FAM184A: variants seen among roughly 807,000 people sequenced by gnomAD.
FAM184A encodes the protein family with sequence similarity 184 member A.
A neutral mutation model predicts 143.8 loss-of-function variants in FAM184A; 99 were observed. That is an observed-to-expected ratio of 0.69 (90% CI 0.58 to 0.81). The LOEUF is 0.81. Among genes scored for constraint, FAM184A ranks in the 40% least tolerant of loss-of-function variants. The pLI, the probability that FAM184A is intolerant of heterozygous loss-of-function variation, is 0.00. For synonymous variants in FAM184A, 427 were observed against 446.4 expected, an observed-to-expected ratio of 0.96 and a Z score of 0.55; for missense variants, 1,217 against 1,310.5, an observed-to-expected ratio of 0.93 and a Z score of 1.10.
chr6:119,131,382 G>T (rs1789530114), intron 1 of FAM184A, among the ~76,000 whole-genome samples: 1 of 152,176 alleles, frequency 6.6e-6, no homozygotes, highest in Non-Finnish European at 1.5e-5. Flanking sequence ...CTCTCTTTAA[G>T]CTTTTACCTG....
chr6:118,962,162 AC>A, intron 16 of FAM184A, 199 bp from the exon 17 acceptor site: 1 of 583,234 alleles, frequency 1.7e-6, no homozygotes, highest in Non-Finnish European at 3.0e-6. Flanking sequence ...ATCCTCAAAG[AC>A]AGACATGCTA....
intron 1 of FAM184A, among the ~76,000 whole-genome samples, chr6:119,094,733 G>A (rs925993715): frequency 1.3e-5 from 2 of 151,214 alleles, no homozygotes; most frequent in Non-Finnish European, 2.9e-5. Context: ...GAATGAAGGA[G>A]TAAGCTTACT....
rs146846568 is a variant in FAM184A, at chr6:119,058,154, A to G, written c.159+19987T>C. On this transcript the variant is annotated intron_variant, in intron 1 of 17. Transcript: ENST00000338891. The stretch of plus-strand genomic sequence containing the variant: ...ACCTGCCACTCTCTCATCAAGAAGT[A>G]GAGTCCAATTCTCCTTCTCTCTTTT... Among the ~76,000 whole-genome samples the G allele has an allele frequency of 3.7e-3, 536 of 145,686 alleles. 2 individuals are homozygous for G. Among genetic ancestry groups the G allele is most frequent in the African/African-American group, 0.012 (494 of 39,952 alleles).
At chr6:119,041,910 A>G (rs1269098560) in intron 1 of FAM184A, among the ~76,000 whole-genome samples, 1 of 152,158 alleles carries the variant, frequency 6.6e-6, no homozygotes. Context: ...CACTCACCGC[A>G]TGGCCCAAGA....
At chr6:119,143,420 G>A (rs1772312193) in intron 1 of FAM184A, among the ~76,000 whole-genome samples, 2 of 152,178 alleles carry the variant, frequency 1.3e-5, no homozygotes, top group Non-Finnish European at 2.9e-5. Context: ...TTGGCATGGA[G>A]GTGAGTAAAA....
At chr6:119,072,980 C>T (rs762546278) in intron 1 of FAM184A, among the ~76,000 whole-genome samples, 12 of 152,194 alleles carry the variant, frequency 7.9e-5, no homozygotes, top group Non-Finnish European at 1.5e-4. Flanking sequence ...ACTTATTAAG[C>T]TTTGGTACTA....
At chr6:119,036,946 T>C (rs1433977538) in intron 1 of FAM184A, among the ~76,000 whole-genome samples, 2 of 152,186 alleles carry the variant, frequency 1.3e-5, no homozygotes, top group African/African-American at 4.8e-5. Context: ...GCAAAGTCAG[T>C]TGTCAAGAAC....
chr6:118,970,006 A>ATTTTTT (rs1242296300), intron 14 of FAM184A, among the ~76,000 whole-genome samples: 2 of 20,490 alleles, frequency 9.8e-5, no homozygotes, highest in African/African-American at 3.4e-4. Context: ...ATATATATAT[A>ATTTTTT]TATTTTTTTT....
chr6:119,050,603 G>A (rs1325564399), intron 1 of FAM184A, among the ~76,000 whole-genome samples: 5 of 151,870 alleles, frequency 3.3e-5, no homozygotes, highest in Non-Finnish European at 5.9e-5. Flanking sequence ...TCAGGAGATC[G>A]AGACCATCCT....
intron 9 of FAM184A, among the ~76,000 whole-genome samples, chr6:118,981,431 C>T (rs574347739): frequency 2.3e-4 from 35 of 152,144 alleles, no homozygotes; most frequent in Non-Finnish European, 3.7e-4. Context: ...ACAGTTTCTG[C>T]GGCCAAAAAA....
intron 1 of FAM184A, among the ~76,000 whole-genome samples, chr6:119,097,549 G>C (rs1360377313): frequency 4.6e-5 from 7 of 152,118 alleles, no homozygotes; most frequent in Non-Finnish European, 1.0e-4. Context: ...ATATATATAA[G>C]TCTTTTCTAC....
intron 14 of FAM184A, among the ~76,000 whole-genome samples, chr6:118,969,061 T>G (rs780716151): frequency 2.0e-5 from 3 of 152,226 alleles, no homozygotes; most frequent in Admixed American, 6.5e-5. Context: ...CCCCATGCTA[T>G]TCTCATGACA....
At chr6:119,127,855 C>A (rs1168184517) in intron 1 of FAM184A, among the ~76,000 whole-genome samples, 1 of 152,190 alleles carries the variant, frequency 6.6e-6, no homozygotes, top group African/African-American at 2.4e-5. Context: ...TTCATTCATT[C>A]AACAAACATT....
chr6:119,046,146 A>G (rs1031440638), intron 1 of FAM184A, among the ~76,000 whole-genome samples: 1 of 152,198 alleles, frequency 6.6e-6, no homozygotes, highest in Admixed American at 6.5e-5. Context: ...AATGAAATAC[A>G]AAGAAAAATT....
intron 1 of FAM184A, among the ~76,000 whole-genome samples, chr6:119,103,235 A>G (rs1327905070): frequency 1.3e-5 from 2 of 152,222 alleles, no homozygotes; most frequent in Non-Finnish European, 2.9e-5. Context: ...GTATGAAGCC[A>G]GGACACTGAT....
chr6:119,004,380 G>A (rs574769744), intron 7 of FAM184A, among the ~76,000 whole-genome samples: 1 of 152,272 alleles, frequency 6.6e-6, no homozygotes, highest in East Asian at 1.9e-4. Context: ...TTTTTGAAGG[G>A]TATACCCAGA....
rs1304430761 is a variant in FAM184A at position 119,093,984 on chromosome 6, TCCTC to T, written c.-202+55090_-202+55093del. 7.4e-3 allele frequency among the ~76,000 whole-genome samples: 1,105 copies of T among 149,398 alleles called. 9 individuals carry two copies. The highest frequency in any genetic ancestry group is 0.025 in the African/African-American group (1,037 of 40,716). On this transcript the variant is annotated intron_variant, in intron 1 of 16. Coordinates refer to the FAM184A transcript ENST00000352896. ...TTTCATCTTTTTTTCCTTCCTTCCT[TCCTC>T]CCTCCCTCCCTCCCCTCCCCTCCCT... is the stretch of plus-strand genomic sequence containing the variant.
At chr6:119,005,246 T>C (rs982654971) in intron 7 of FAM184A, 1 of 152,150 alleles carries the variant, frequency 6.6e-6, no homozygotes, top group East Asian at 1.9e-4. Context: ...ATTAACACTG[T>C]CATATCACAC....
chr6:119,027,913 T>G (rs1159923803), intron 1 of FAM184A, among the ~76,000 whole-genome samples: 2 of 152,200 alleles, frequency 1.3e-5, no homozygotes, highest in Admixed American at 6.5e-5. Context: ...CTTAAATGTT[T>G]TAAACAAAGC....
Sources: gnomAD v4.1 joint callset for allele counts (sites outside exome capture counted in the v4.1 genomes callset) on GRCh38, gnomAD v4.1.1 for gene constraint, MANE v1.5 for transcripts, NCBI Gene and HGNC (gene_info 2026-07-23, HGNC 2026-07-21) for gene names.